HNF1B: variants seen among roughly 807,000 people sequenced by gnomAD.
The protein encoded by HNF1B is HNF1 homeobox B, also known as hepatocyte nuclear factor 1-beta.
In HNF1B, 8 loss-of-function variants were observed where a neutral mutation model predicts 61.7. That is an observed-to-expected ratio of 0.13 (90% CI 0.08 to 0.23). The LOEUF is 0.23. Ranked by LOEUF, HNF1B falls within the 10% of genes least tolerant of loss-of-function variation. HNF1B has a pLI of 1.00. For missense variants in HNF1B, 562 were observed against 714.5 expected (o/e 0.79, Z 2.43); for synonymous variants, 314 against 287.7 (o/e 1.09, Z -0.93).
chr17:37,733,692 T>C lies in HNF1B; in HGVS notation c.674A>G (p.Glu225Gly). Residue 225 changes from glutamate to glycine, a missense_variant, in exon 3 of 9, where the codon GAG (glutamate) becomes GGG (glycine). By Grantham distance (98) the Glu-to-Gly change is moderately conservative. This residue lies in a region of HNF1B where 69 missense variants were observed against 81.2 expected (regional missense o/e 0.85). Transcript: ENST00000617811. ...GPGQSDDACS[E>G]PTNKKMRRNR... is the part of the protein sequence containing the mutation. ...GCGGCGCATCTTCTTGTTGGTGGGC[T>C]CAGAGCAGGCATCATCGGACTGCCC... 3 of 1,614,140 alleles carry C rather than the reference T, an allele frequency of 1.9e-6. No homozygotes were observed. Among genetic ancestry groups the C allele is most frequent in the Non-Finnish European group, 2.5e-6 (3 of 1,180,024 alleles).
At chr17:37,709,840 C>A (rs118143602) in intron 5 of HNF1B, among the ~76,000 whole-genome samples, 2 of 152,094 alleles carry the variant, frequency 1.3e-5, no homozygotes, top group Non-Finnish European at 2.9e-5. Flanking sequence ...CATAAGTAGT[C>A]GAGTAACCTG....
In HNF1B at chr17:37,744,910, G is replaced by GT; in HGVS notation, c.-27dup. On this transcript the variant is annotated 5_prime_UTR_variant, in exon 1 of 9. Coordinates refer to ENST00000617811, the MANE Select transcript of HNF1B (RefSeq NM_000458.4). ...TTTCCAAGGACGGAAAAAGAAGGGG[G>GT]TGAGGGGGTGGGTGGGTGCGAGAGA... 3 of 1,049,648 alleles carry GT rather than the reference G, an allele frequency of 2.9e-6. No homozygotes were observed. Among genetic ancestry groups the GT allele is most frequent in the Non-Finnish European group, 4.3e-6 (3 of 691,784 alleles). The allele number at this position is 1,049,648 out of a possible 1,614,324, so 65.0% of individuals were successfully genotyped here.
chr17:37,724,793 C>T (rs2033437834), intron 4 of HNF1B, among the ~76,000 whole-genome samples: 1 of 151,914 alleles, frequency 6.6e-6, no homozygotes, highest in Non-Finnish European at 1.5e-5. Flanking sequence ...TTTGTCAATC[C>T]CTGTTCTAGA....
chr17:37,744,279 C>G (rs1425236654), intron 1 of HNF1B, among the ~76,000 whole-genome samples: 1 of 152,246 alleles, frequency 6.6e-6, no homozygotes, highest in Non-Finnish European at 1.5e-5. Flanking sequence ...TCTCCCCGGC[C>G]CAGCCCCAGC....
chr17:37,736,240 G>C (rs17704811), intron 2 of HNF1B, among the ~76,000 whole-genome samples: 2,374 of 152,346 alleles, frequency 0.016, 29 homozygotes, highest in South Asian at 0.041. Context: ...GGCACCAGTA[G>C]AGTCACCAAT....
intron 2 of HNF1B, among the ~76,000 whole-genome samples, chr17:37,738,493 A>G (rs2033898718): frequency 1.3e-5 from 2 of 152,260 alleles, no homozygotes; most frequent in Non-Finnish European, 2.9e-5. Flanking sequence ...CTTGATAAAG[A>G]CAGAGAAGCC....
intron 8 of HNF1B, among the ~76,000 whole-genome samples, chr17:37,696,303 G>T (rs1010688512): frequency 6.6e-6 from 1 of 152,162 alleles, no homozygotes; most frequent in Admixed American, 6.5e-5. Context: ...CTGTCATTGT[G>T]GTGTGCGCCT....
chr17:37,692,962 G>A (rs1047085385), intron 8 of HNF1B, among the ~76,000 whole-genome samples: 11 of 152,110 alleles, frequency 7.2e-5, no homozygotes, highest in Non-Finnish European at 1.3e-4. Flanking sequence ...AGGCAGAGGC[G>A]GGCAGATCAC....
Position 37,687,354 on chromosome 17 carries a change from G to GT in HNF1B, c.*17dup. ...CAGGGTCCTTGTTGTTGCGCACGAAGTAAGTGGTGTGTGGGCATCACCAGG... is the reference window on the plus strand; with the variant it reads ...CAGGGTCCTTGTTGTTGCGCACGAAGTTAAGTGGTGTGTGGGCATCACCAGG... On this transcript the variant is annotated 3_prime_UTR_variant, in exon 9 of 9. Transcript: ENST00000617811. 1 of 1,614,116 alleles carries GT rather than the reference G, an allele frequency of 6.2e-7. No homozygotes were observed. The highest frequency in any genetic ancestry group is 1.3e-5 in the African/African-American group (1 of 75,050).
chr17:37,705,498 C>T (rs1372714667), intron 5 of HNF1B, among the ~76,000 whole-genome samples: 1 of 152,146 alleles, frequency 6.6e-6, no homozygotes, highest in Non-Finnish European at 1.5e-5. Flanking sequence ...CAAGGTTTCT[C>T]TACTTTTTCC....
intron 4 of HNF1B, among the ~76,000 whole-genome samples, chr17:37,722,032 C>T (rs998450205): frequency 6.6e-6 from 1 of 152,070 alleles, no homozygotes; most frequent in African/African-American, 2.4e-5. Context: ...CAAAGGTGTG[C>T]GTGGGTGGAG....
At chr17:37,744,089 T>A (rs1370412634) in intron 1 of HNF1B, among the ~76,000 whole-genome samples, 1 of 152,222 alleles carries the variant, frequency 6.6e-6, no homozygotes, top group Non-Finnish European at 1.5e-5. Flanking sequence ...TGCAGGTCAA[T>A]GTGTCCGAGG....
At chr17:37,727,949 C>A (rs1007121264) in intron 4 of HNF1B, among the ~76,000 whole-genome samples, 2 of 151,760 alleles carry the variant, frequency 1.3e-5, no homozygotes, top group East Asian at 3.9e-4. Context: ...GTTGCTAGTG[C>A]TGACGGTGGA....
chr17:37,695,708 G>A (rs2032361756), intron 8 of HNF1B, among the ~76,000 whole-genome samples: 1 of 152,238 alleles, frequency 6.6e-6, no homozygotes. Flanking sequence ...TTTAATGCCT[G>A]CCCTGTTGGG....
Position 37,733,578 on chromosome 17 carries a change from G to A in HNF1B, c.788C>T (p.Ala263Val). Residue 263 changes from alanine to valine, a missense_variant, in exon 3 of 9, where the codon GCC becomes GTC. Ala to Val is a moderately conservative substitution (Grantham distance 64). Coordinates refer to ENST00000617811, the MANE Select transcript of HNF1B (RefSeq NM_000458.4). ...QKNPSKEERE[A>V]LVEECNRAEC... ...TTACCTGTTGCATTCCTCCACTAAG[G>A]CCTCTCTCTCTTCCTTGCTGGGGTT... 1 of 1,614,120 alleles carries A rather than the reference G, an allele frequency of 6.2e-7. No homozygotes were observed. The highest frequency in any genetic ancestry group is 2.2e-5 in the East Asian group (1 of 44,880).
In HNF1B at chr17:37,739,728, G is replaced by C. The variant is rs557104336; in HGVS notation, c.345-89C>G. On this transcript the variant is annotated intron_variant, in intron 1 of 8. Transcript: ENST00000617811. Reference sequence around the variant, plus strand: ...CTAGGGGGTGCTACCTATGGTCTATGCAAAATTCTGAATTTTCCCCCCATC... The same window carrying C: ...CTAGGGGGTGCTACCTATGGTCTATCCAAAATTCTGAATTTTCCCCCCATC... 55 of 1,234,450 alleles carry C rather than the reference G, an allele frequency of 4.5e-5. No homozygotes were observed. The East Asian group carries it at 1.2e-3, about 27-fold the overall frequency. The allele number at this position is 1,234,450 out of a possible 1,614,324, so 76.5% of individuals were successfully genotyped here.
chr17:37,693,264 A>G (rs559584108), intron 8 of HNF1B, among the ~76,000 whole-genome samples: 1 of 151,322 alleles, frequency 6.6e-6, no homozygotes, highest in African/African-American at 2.4e-5. Context: ...CAGACGGGAG[A>G]GAAAACAGGG....
rs778229703 is a variant in HNF1B, at chr17:37,744,789, C to T, written c.96G>A (p.Glu32=). 3.7e-6 allele frequency: 6 copies of T among 1,613,532 alleles called. No individual in the cohort carries two copies. The highest frequency in any genetic ancestry group is 2.2e-5 in the East Asian group (1 of 44,888). The change falls in exon 1 of 9, where the codon GAG becomes GAA. Residue 32 remains glutamate (E), a synonymous_variant. Coordinates refer to ENST00000617811, the MANE Select transcript of HNF1B (RefSeq NM_000458.4). ...TKEVLVQALE[E]LLPSPNFGVK... is the part of the protein sequence containing the mutation. ...CCCCGAAGTTCGGGGATGGCAGCAA[C>T]TCCTCCAAGGCCTGAACCAGCACCT...
intron 4 of HNF1B, among the ~76,000 whole-genome samples, chr17:37,720,501 A>T (rs2033274841): frequency 6.6e-6 from 1 of 151,670 alleles, no homozygotes; most frequent in Non-Finnish European, 1.5e-5. Flanking sequence ...ATATGCCTTT[A>T]TATATACATA....
Sources: gnomAD v4.1 joint callset for allele counts (sites outside exome capture counted in the v4.1 genomes callset) on GRCh38, gnomAD v4.1.1 for gene constraint, gnomAD v4.1.1 regional missense constraint, MANE v1.5 for transcripts, NCBI Gene and HGNC (gene_info 2026-07-23, HGNC 2026-07-21) for gene names.